The following PCCA variants were observed in gnomAD, a reference collection of about 807,000 sequenced individuals.
PCCA encodes propionyl-CoA carboxylase alpha chain, mitochondrial.
A neutral mutation model predicts 101.3 loss-of-function variants in PCCA; 74 were observed. That is an observed-to-expected ratio of 0.73 (90% CI 0.61 to 0.89). The LOEUF (loss-of-function observed/expected upper bound fraction) is 0.89. PCCA is among the 40% of genes least tolerant of loss of function. The probability of loss-of-function intolerance (pLI) is 0.00; values close to 1 mark genes in which losing one functional copy is unlikely to be tolerated. For missense variants in PCCA, 891 were observed against 907.0 expected (o/e 0.98, Z 0.23); for synonymous variants, 294 against 313.6 (o/e 0.94, Z 0.66).
intron 18 of PCCA, among the ~76,000 whole-genome samples, chr13:100,366,468 T>A (rs1453040952): frequency 6.6e-6 from 1 of 152,122 alleles, no homozygotes; most frequent in African/African-American, 2.4e-5. Flanking sequence ...AAATAAGGAA[T>A]GATTTTGGTC....
intron 18 of PCCA, among the ~76,000 whole-genome samples, chr13:100,354,595 A>G (rs1473086901): frequency 6.6e-6 from 1 of 152,190 alleles, no homozygotes. Context: ...CACAGAAATG[A>G]CAAACCTGTA....
chr13:100,177,923 C>A (rs1441075333), intron 6 of PCCA, among the ~76,000 whole-genome samples: 1 of 151,334 alleles, frequency 6.6e-6, no homozygotes, highest in East Asian at 1.9e-4. Context: ...TTTTGATAAT[C>A]ATTAATATGA....
rs565033943 is a variant in PCCA at position 100,276,274 on chromosome 13, T to C, written c.1065+2928T>C. ...AAATCTTAGTTTGGCCAGTATTTTT[T>C]TCAATTTATTGAAAATATTATTTCA... is the stretch of plus-strand genomic sequence containing the variant. On this transcript the variant is annotated intron_variant, in intron 12 of 23. Coordinates refer to ENST00000376285, the MANE Select transcript of PCCA (RefSeq NM_000282.4). 2.9e-3 allele frequency among the ~76,000 whole-genome samples: 435 copies of C among 152,034 alleles called. 4 individuals carry two copies. Among genetic ancestry groups the C allele is most frequent in the Admixed American group, 4.6e-3 (71 of 15,270 alleles).
rs543258618 is a variant in PCCA, at chr13:100,138,982, C to A, written c.301-15997C>A. 2.7e-5 allele frequency among the ~76,000 whole-genome samples: 4 copies of A among 150,084 alleles called. No homozygotes were observed. In the East Asian group the frequency reaches 7.8e-4, roughly 29 times the overall value. On this transcript the variant is annotated intron_variant, in intron 4 of 23. Coordinates refer to ENST00000376285, the MANE Select transcript of PCCA (RefSeq NM_000282.4). ...AGAAAGAAAGAAAATGTCTTTATTT[C>A]GCCTTCATTCTTAGAGGATATTTGC...
intron 10 of PCCA, among the ~76,000 whole-genome samples, chr13:100,263,321 A>T (rs930675435): frequency 2.0e-5 from 3 of 152,170 alleles, no homozygotes; most frequent in Admixed American, 6.5e-5. Context: ...TGAAGTTTTC[A>T]TTTGCCTGTT....
intron 18 of PCCA, among the ~76,000 whole-genome samples, chr13:100,350,582 C>A (rs141086967): frequency 6.6e-6 from 1 of 152,246 alleles, no homozygotes; most frequent in Non-Finnish European, 1.5e-5. Context: ...AGATTAAGTA[C>A]AAGATACTAA....
intron 21 of PCCA, among the ~76,000 whole-genome samples, chr13:100,455,664 G>A (rs28661086): frequency 0.1 from 15,723 of 152,056 alleles, 1,360 homozygotes; most frequent in African/African-American, 0.23. Context: ...ATTTTGGTAC[G>A]TGGGTATATG....
chr13:100,301,821 G>A (rs2066084133), intron 13 of PCCA, among the ~76,000 whole-genome samples: 1 of 152,104 alleles, frequency 6.6e-6, no homozygotes, highest in African/African-American at 2.4e-5. Context: ...TTTGTAGATG[G>A]GGAAATAGCT....
chr13:100,156,524 C>T (rs2053908819), intron 5 of PCCA, among the ~76,000 whole-genome samples: 1 of 152,138 alleles, frequency 6.6e-6, no homozygotes, highest in African/African-American at 2.4e-5. Flanking sequence ...TTTGGCCAGT[C>T]TGGGAGAGCC....
rs542988703 is a variant in PCCA, at chr13:100,247,615, G to A, written c.638-9980G>A. On this transcript the variant is annotated intron_variant, in intron 8 of 23. Coordinates refer to ENST00000376285, the MANE Select transcript of PCCA (RefSeq NM_000282.4). The stretch of plus-strand genomic sequence containing the variant: ...TGCAACCTCTGCCTCCCGGGTTCAA[G>A]CAATTCTCCTGCCTCAGCCTCCCGA... Among the ~76,000 whole-genome samples the A allele has an allele frequency of 2.0e-5, 3 of 149,764 alleles. No individual in the cohort carries two copies. In the South Asian group the frequency reaches 6.5e-4, roughly 33 times the overall value.
At chr13:100,430,516 C>T (rs2079474846) in intron 20 of PCCA, among the ~76,000 whole-genome samples, 1 of 152,158 alleles carries the variant, frequency 6.6e-6, no homozygotes. Context: ...GAGTTGTCTT[C>T]TCCCCACCAG....
At chr13:100,381,003 A>G (rs1224204295) in intron 19 of PCCA, among the ~76,000 whole-genome samples, 1 of 152,254 alleles carries the variant, frequency 6.6e-6, no homozygotes, top group South Asian at 2.1e-4. Flanking sequence ...ATCATAAGGC[A>G]TGGAGGGATC....
Position 100,311,496 on chromosome 13 carries a change from G to A in PCCA, c.1429+1588G>A, listed in dbSNP as rs923198197. Among the ~76,000 whole-genome samples the A allele has an allele frequency of 5.9e-5, 9 of 152,188 alleles. No homozygotes were observed. The South Asian group carries it at 6.2e-4, about 11-fold the overall frequency. On this transcript the variant is annotated intron_variant, in intron 16 of 23. Transcript: ENST00000376285. ...ATATATTTAAGAATCAAGGCCAGGC[G>A]TGGTGGCTCACGCCTGTAATCCCAG...
At chr13:100,487,524 A>G (rs1259335918) in intron 21 of PCCA, among the ~76,000 whole-genome samples, 1 of 152,208 alleles carries the variant, frequency 6.6e-6, no homozygotes, top group Non-Finnish European at 1.5e-5. Flanking sequence ...GCTGGGTTAA[A>G]TTAATATTTT....
intron 6 of PCCA, among the ~76,000 whole-genome samples, chr13:100,176,218 G>C (rs1044118803): frequency 4.7e-4 from 71 of 152,252 alleles, no homozygotes; most frequent in African/African-American, 1.5e-3. Context: ...TGTTGTTGGG[G>C]ATAGAGACAG....
chr13:100,226,297 A>T (rs986561164), intron 7 of PCCA, among the ~76,000 whole-genome samples: 15 of 151,600 alleles, frequency 9.9e-5, no homozygotes, highest in African/African-American at 3.1e-4. Flanking sequence ...ACAAATTATT[A>T]TTTTTTTTTA....
At chr13:100,511,939 G>C (rs541465159) in intron 21 of PCCA, among the ~76,000 whole-genome samples, 15 of 152,308 alleles carry the variant, frequency 9.8e-5, no homozygotes, top group African/African-American at 3.4e-4. Flanking sequence ...CGTGAAAGTG[G>C]AGTGTGTCTC....
chr13:100,451,026 A>C (rs2081186340), intron 21 of PCCA, among the ~76,000 whole-genome samples: 2 of 152,200 alleles, frequency 1.3e-5, no homozygotes, highest in African/African-American at 4.8e-5. Flanking sequence ...TAAAATCTGC[A>C]GGGTAGATGA....
intron 4 of PCCA, among the ~76,000 whole-genome samples, chr13:100,125,095 T>C (rs2049816650): frequency 6.6e-6 from 1 of 151,928 alleles, no homozygotes; most frequent in African/African-American, 2.4e-5. Context: ...TGGAAAACTT[T>C]TTTGGGGTGT....
Sources: gnomAD v4.1 joint callset for allele counts (sites outside exome capture counted in the v4.1 genomes callset) on GRCh38, gnomAD v4.1.1 for gene constraint, MANE v1.5 for transcripts, NCBI Gene and HGNC (gene_info 2026-07-23, HGNC 2026-07-21) for gene names.